Variants in METTL15 observed in about 807,000 individuals in gnomAD.
The protein encoded by METTL15 is 12S rRNA N(4)-cytidine methyltransferase METTL15.
Under a neutral mutation model 38.3 loss-of-function variants are expected in METTL15, and 34 were observed. That is an observed-to-expected ratio of 0.89 (90% CI 0.68 to 1.18). The LOEUF is 1.18. Ranked by LOEUF, METTL15 falls within the 50% of genes most tolerant of loss-of-function variation. The pLI is 0.00. For synonymous variants in METTL15, 162 were observed against 170.9 expected (o/e 0.95, Z 0.41); for missense variants, 438 against 498.4 (o/e 0.88, Z 1.15).
intron 6 of METTL15, among the ~76,000 whole-genome samples, chr11:28,521,078 T>C (rs552039477): frequency 3.3e-5 from 5 of 152,230 alleles, no homozygotes; most frequent in Admixed American, 2.6e-4. Flanking sequence ...TGTTCCAGGA[T>C]GCAAAAATCA....
chr11:28,145,899 G>A (rs1222666612), intron 3 of METTL15, among the ~76,000 whole-genome samples: 1 of 151,910 alleles, frequency 6.6e-6, no homozygotes, highest in Admixed American at 6.6e-5. Context: ...TTTCTATGGG[G>A]TAGATGTATG....
At chr11:28,503,851 A>ATGT (rs1382120933) in intron 6 of METTL15, among the ~76,000 whole-genome samples, 3 of 151,934 alleles carry the variant, frequency 2.0e-5, no homozygotes, top group East Asian at 3.9e-4. Context: ...ATATTCATAA[A>ATGT]TATCCTGTTA....
chr11:28,186,825 A>G (rs1851513173), intron 3 of METTL15, among the ~76,000 whole-genome samples: 2 of 151,102 alleles, frequency 1.3e-5, no homozygotes, highest in East Asian at 1.9e-4. Context: ...TTCATAATGT[A>G]TCTGTTAATA....
intron 5 of METTL15, among the ~76,000 whole-genome samples, chr11:28,380,574 G>A (rs1194754421): frequency 6.6e-6 from 1 of 151,940 alleles, no homozygotes; most frequent in Non-Finnish European, 1.5e-5. Flanking sequence ...CTTCATTTGT[G>A]GATAAGTATT....
chr11:28,172,623 A>G (rs1850899913), intron 3 of METTL15, among the ~76,000 whole-genome samples: 2 of 152,184 alleles, frequency 1.3e-5, no homozygotes, highest in African/African-American at 2.4e-5. Flanking sequence ...CAGTCACCCA[A>G]TACATATTAA....
chr11:28,466,624 G>A (rs934951185), intron 6 of METTL15, among the ~76,000 whole-genome samples: 3 of 152,152 alleles, frequency 2.0e-5, no homozygotes, highest in East Asian at 1.9e-4. Context: ...CCTTCCGTCC[G>A]GCTAAGGTGC....
chr11:28,338,238 A>G (rs1316463518), downstream of METTL15, among the ~76,000 whole-genome samples: 1 of 152,048 alleles, frequency 6.6e-6, no homozygotes, highest in African/African-American at 2.4e-5. Flanking sequence ...TCTTACCAAA[A>G]TACCACCTAT....
intron 4 of METTL15, among the ~76,000 whole-genome samples, chr11:28,358,285 C>T (rs1850107121): frequency 6.6e-6 from 1 of 152,126 alleles, no homozygotes; most frequent in Non-Finnish European, 1.5e-5. Context: ...CCCTGTGGTA[C>T]CCTAAGTAGA....
chr11:28,345,753 T>A (rs1007984795), intron 3 of METTL15, among the ~76,000 whole-genome samples: 2 of 152,068 alleles, frequency 1.3e-5, no homozygotes, highest in African/African-American at 4.8e-5. Flanking sequence ...TGTACCTACA[T>A]CCAAAATCAA....
intron 6 of METTL15, among the ~76,000 whole-genome samples, chr11:28,491,137 C>T (rs1450767799): frequency 1.3e-5 from 2 of 152,068 alleles, no homozygotes; most frequent in East Asian, 3.9e-4. Flanking sequence ...CTGAGACTTG[C>T]CTTAAAAGGG....
intron 4 of METTL15, among the ~76,000 whole-genome samples, chr11:28,269,844 T>C (rs910404292): frequency 6.6e-6 from 1 of 152,224 alleles, no homozygotes; most frequent in East Asian, 1.9e-4. Flanking sequence ...AGTGCCAGCT[T>C]ACATGCTGAT....
At chr11:28,162,381 G>A (rs1392081519) in intron 3 of METTL15, among the ~76,000 whole-genome samples, 6 of 152,090 alleles carry the variant, frequency 3.9e-5, no homozygotes, top group African/African-American at 9.7e-5. Context: ...TTTAGAAAAG[G>A]CCACTAGATT....
chr11:28,147,074 A>G (rs993358169), intron 3 of METTL15, among the ~76,000 whole-genome samples: 5 of 151,954 alleles, frequency 3.3e-5, no homozygotes, highest in East Asian at 1.9e-4. Context: ...ATAAAATGCT[A>G]GAAAGGATTA....
intron 6 of METTL15, among the ~76,000 whole-genome samples, chr11:28,494,933 A>G (rs985173788): frequency 6.6e-6 from 1 of 152,122 alleles, no homozygotes; most frequent in African/African-American, 2.4e-5. Flanking sequence ...ACTAATACAG[A>G]GAAAATAATG....
rs1340307219 is a variant in METTL15 at position 28,187,604 on chromosome 11, A to G, written c.271-23458A>G. ...AACATAGTCACCACATACTTGCAACACTAGACATATAGTATAATTTTATTT... is the reference window on the plus strand; with the variant it reads ...AACATAGTCACCACATACTTGCAACGCTAGACATATAGTATAATTTTATTT... On this transcript the variant is annotated intron_variant, in intron 3 of 6. Transcript: ENST00000407364. Among the ~76,000 whole-genome samples, 5 of 150,310 alleles carry G rather than the reference A, an allele frequency of 3.3e-5. No homozygotes were observed. The East Asian group carries it at 5.9e-4, about 18-fold the overall frequency.
intron 6 of METTL15, among the ~76,000 whole-genome samples, chr11:28,503,095 T>C (rs1851598107): frequency 6.6e-6 from 1 of 152,218 alleles, no homozygotes; most frequent in Non-Finnish European, 1.5e-5. Context: ...CTCCCAGGAC[T>C]CAGGCATTAG....
intron 3 of METTL15, among the ~76,000 whole-genome samples, chr11:28,165,941 T>C (rs1229969904): frequency 6.6e-6 from 1 of 152,166 alleles, no homozygotes; most frequent in Non-Finnish European, 1.5e-5. Flanking sequence ...CTTGGCACCT[T>C]TGTCTAAAGT....
chr11:28,504,980 T>C (rs1284926636), intron 6 of METTL15, among the ~76,000 whole-genome samples: 1 of 152,196 alleles, frequency 6.6e-6, no homozygotes. Context: ...TAAGCAGCCC[T>C]GTAGTTTGAC....
intron 4 of METTL15, among the ~76,000 whole-genome samples, chr11:28,256,081 G>A (rs1854960298): frequency 6.6e-6 from 1 of 152,118 alleles, no homozygotes; most frequent in Non-Finnish European, 1.5e-5. Flanking sequence ...TCTTTTTAAT[G>A]TATTGTTGAA....
Sources: allele counts gnomAD v4.1 joint callset (sites outside exome capture counted in the v4.1 genomes callset), GRCh38; gene constraint gnomAD v4.1.1; transcripts MANE v1.5; gene names NCBI Gene and HGNC (gene_info 2026-07-23, HGNC 2026-07-21).